Variants in UBN2 observed in about 807,000 individuals in gnomAD.
The protein encoded by UBN2 is ubinuclein-2.
UBN2 carries 35 observed loss-of-function variants against 120.2 expected under a neutral mutation model. That is an observed-to-expected ratio of 0.29 (90% CI 0.22 to 0.39). The LOEUF (loss-of-function observed/expected upper bound fraction) is 0.39. Among genes scored for constraint, UBN2 ranks in the 10% least tolerant of loss-of-function variants. UBN2 has a pLI of 1.00. For missense variants in UBN2, 1,693 were observed against 1,663.2 expected (o/e 1.02, Z -0.31); for synonymous variants, 661 against 648.7 (o/e 1.02, Z -0.29).
At chr7:139,316,146 A>AT in the UBN2 span, among the ~76,000 whole-genome samples, 2 of 143,918 alleles carry the variant, frequency 1.4e-5, no homozygotes, top group South Asian at 4.4e-4. Context: ...AGCATTTGTC[A>AT]TTTTTCATTT....
chr7:139,281,971 G>A, intron 13 of UBN2, 34 bp from the exon 14 acceptor site: 1 of 1,603,252 alleles, frequency 6.2e-7, no homozygotes, highest in Non-Finnish European at 8.5e-7. Context: ...GAGTGTAACA[G>A]TATTCTTAAC....
chr7:139,266,265 G>C, intron 6 of UBN2, 68 bp from the exon 7 acceptor site: 1 of 873,846 alleles, frequency 1.1e-6, no homozygotes, highest in Non-Finnish European at 1.8e-6. Context: ...CTTTGAACAC[G>C]TGTCCTAAGA....
At chr7:139,276,613 G>T in intron 12 of UBN2, 1 of 158,660 alleles carries the variant, frequency 6.3e-6, no homozygotes, top group Non-Finnish European at 1.4e-5. Context: ...TTAGTGATGT[G>T]ATTACTAGAG....
downstream of UBN2, among the ~76,000 whole-genome samples, chr7:139,309,740 A>G (rs12539497): frequency 0.097 from 14,732 of 152,206 alleles, 1,268 homozygotes; most frequent in Admixed American, 0.21. Context: ...GCATGGTGGC[A>G]AACACCTGTA....
intron 5 of UBN2, 96 bp downstream of exon 5, chr7:139,259,466 C>G (rs1304625708): frequency 1.3e-6 from 2 of 1,496,012 alleles, no homozygotes; most frequent in African/African-American, 1.4e-5. Flanking sequence ...TTCAACCTAG[C>G]TGAGTCTAAT....
chr7:139,288,981 A>T (rs1325805497), intron 15 of UBN2, among the ~76,000 whole-genome samples: 1 of 149,084 alleles, frequency 6.7e-6, no homozygotes, highest in East Asian at 2.0e-4. Context: ...CAGCCTGGCA[A>T]CAGAGGGAGA....
At chr7:139,310,883 A>G (rs1286793888), downstream of UBN2, among the ~76,000 whole-genome samples, 9 of 152,208 alleles carry the variant, frequency 5.9e-5, no homozygotes, top group Non-Finnish European at 1.3e-4. Flanking sequence ...TGGTTCTTTG[A>G]ACAGCTTCAT....
At chr7:139,258,255 T>C (rs1796821415) in intron 3 of UBN2, among the ~76,000 whole-genome samples, 5 of 152,190 alleles carry the variant, frequency 3.3e-5, no homozygotes, top group Admixed American at 3.3e-4. Flanking sequence ...GCAGGTGATA[T>C]ATTTAGAATA....
At chr7:139,254,288 G>A (rs1384960304) in intron 3 of UBN2, among the ~76,000 whole-genome samples, 3 of 151,788 alleles carry the variant, frequency 2.0e-5, no homozygotes, top group South Asian at 4.2e-4. Context: ...GTGAGACTCC[G>A]TCTCAAAAAA....
chr7:139,280,924 A>G (rs1297865083), intron 13 of UBN2, among the ~76,000 whole-genome samples: 2 of 152,218 alleles, frequency 1.3e-5, no homozygotes, highest in Non-Finnish European at 2.9e-5. Context: ...GATTACAGGC[A>G]TGCGCCACTA....
At chr7:139,292,471 C>T (rs1453453001) in intron 15 of UBN2, among the ~76,000 whole-genome samples, 1 of 152,088 alleles carries the variant, frequency 6.6e-6, no homozygotes, top group East Asian at 1.9e-4. Context: ...TCTTTTACCT[C>T]AAGGAGTGTA....
At chr7:139,234,529 T>C (rs987295781) in intron 1 of UBN2, among the ~76,000 whole-genome samples, 6 of 152,180 alleles carry the variant, frequency 3.9e-5, no homozygotes, top group African/African-American at 7.2e-5. Context: ...CCTTATTGTC[T>C]CTAGGCAGTA....
chr7:139,288,503 TCAGAGAGAGAC>T (rs976262599), intron 15 of UBN2, among the ~76,000 whole-genome samples: 1 of 151,968 alleles, frequency 6.6e-6, no homozygotes, highest in African/African-American at 2.4e-5. Flanking sequence ...GGTGATGAGA[TCAGAGAGAGAC>T]CAGAACCATG....
At chr7:139,310,557 G>A (rs1405960788), downstream of UBN2, among the ~76,000 whole-genome samples, 1 of 152,140 alleles carries the variant, frequency 6.6e-6, no homozygotes, top group Non-Finnish European at 1.5e-5. Flanking sequence ...GATCACTTGA[G>A]GTCAGGAGTT....
the UBN2 span, among the ~76,000 whole-genome samples, chr7:139,326,778 C>T: frequency 4.5e-3 from 685 of 152,276 alleles, 2 homozygotes; most frequent in African/African-American, 0.016. Flanking sequence ...AGCAGAGAAG[C>T]CAGCCACTGC....
At position 139,297,899 on chromosome 7, in the gene UBN2, G is replaced by C. The variant is rs555938267; in HGVS notation, c.*63G>C. On this transcript the variant is annotated 3_prime_UTR_variant, in exon 18 of 18. Coordinates refer to ENST00000473989, the MANE Select transcript of UBN2 (RefSeq NM_173569.4). Reference sequence around the variant, plus strand: ...CTGATGGAATCTACCTGATGGGAAAGTACTTATGTGGTCATAGGGCTGCTG... The same window carrying C: ...CTGATGGAATCTACCTGATGGGAAACTACTTATGTGGTCATAGGGCTGCTG... 2 of 1,558,624 alleles carry C rather than the reference G, an allele frequency of 1.3e-6. No homozygotes were observed. Among genetic ancestry groups the C allele is most frequent in the East Asian group, 2.3e-5 (1 of 44,438 alleles).
At chr7:139,277,794 A>G (rs1288711832) in intron 12 of UBN2, 1 of 152,202 alleles carries the variant, frequency 6.6e-6, no homozygotes, top group Non-Finnish European at 1.5e-5. Flanking sequence ...ATACTCCAAG[A>G]TGCCTGCAGT....
chr7:139,249,207 AC>A (rs1167660269), intron 2 of UBN2, among the ~76,000 whole-genome samples: 3 of 152,180 alleles, frequency 2.0e-5, no homozygotes, highest in African/African-American at 2.4e-5. Flanking sequence ...ACCATTACTT[AC>A]ATTTCGCACC....
intron 15 of UBN2, 28 bp from the exon 16 acceptor site, chr7:139,293,204 T>C (rs368649266): frequency 1.3e-5 from 21 of 1,582,508 alleles, no homozygotes; most frequent in Middle Eastern, 1.7e-4. Context: ...TTATTTCTTA[T>C]GTATTTTGAC....
Sources: gnomAD v4.1 joint callset for allele counts (sites outside exome capture counted in the v4.1 genomes callset) on GRCh38, gnomAD v4.1.1 for gene constraint, MANE v1.5 for transcripts, NCBI Gene and HGNC (gene_info 2026-07-23, HGNC 2026-07-21) for gene names.